The following CREB3L3 variants were observed in gnomAD, a reference collection of about 807,000 sequenced individuals.
CREB3L3 encodes the protein cAMP responsive element binding protein 3 like 3.
Under a neutral mutation model 44.6 loss-of-function variants are expected in CREB3L3, and 40 were observed. That is an observed-to-expected ratio of 0.90 (90% CI 0.70 to 1.17). The LOEUF is 1.17. Among genes scored for constraint, CREB3L3 ranks in the 50% most tolerant of loss-of-function variants. The probability of loss-of-function intolerance (pLI) is 0.00; values close to 1 mark genes in which losing one functional copy is unlikely to be tolerated. For synonymous variants in CREB3L3, 273 were observed against 256.3 expected (o/e 1.06, Z -0.62); for missense variants, 578 against 595.8 (o/e 0.97, Z 0.31).
chr19:4,171,968 G>A lies in CREB3L3; in HGVS notation c.1385G>A (p.Ter462=). ...AGLEAAGDEL[*] The stretch of plus-strand genomic sequence containing the variant: ...CTGGAGGCGGCGGGAGACGAGCTGT[G>A]AGCCCCGCCAGGACTATGCTCCCAG... Residue 462 remains the stop codon, a stop_retained_variant, in exon 10 of 10, where the codon TGA becomes TAA. Transcript: ENST00000078445. This position sits in a 1 kb window ranked among gnomAD's most constrained non-coding sequence, Gnocchi z 4.9. The A allele has an allele frequency of 6.3e-7, 1 of 1,590,510 alleles. No homozygotes were observed. Among genetic ancestry groups the A allele is most frequent in the East Asian group, 2.3e-5 (1 of 43,916 alleles).
At chr19:4,157,554 A>T (rs951676178) in intron 3 of CREB3L3, among the ~76,000 whole-genome samples, 2 of 152,232 alleles carry the variant, frequency 1.3e-5, no homozygotes, top group African/African-American at 4.8e-5. Context: ...AAAACCACAG[A>T]GCTAGGATGC....
At position 4,155,053 on chromosome 19, in the gene CREB3L3, G is replaced by A. The variant is rs376953719; in HGVS notation, c.156+26G>A. The A allele has an allele frequency of 5.1e-5, 82 of 1,601,372 alleles. 1 individual carries two copies. The highest frequency in any genetic ancestry group is 1.2e-4 in the African/African-American group (9 of 74,928). On this transcript the variant is annotated intron_variant, in intron 2 of 9. Coordinates refer to ENST00000078445, the MANE Select transcript of CREB3L3 (RefSeq NM_032607.3). ...GTGAGGAGTCCACTGCAGTTGCCCC[G>A]GGACCACAGAGCTCCAGGCGGGCCA...
In CREB3L3 at chr19:4,171,779, C is replaced by A; in HGVS notation, c.1196C>A (p.Pro399His). The A allele has an allele frequency of 6.2e-7, 1 of 1,613,478 alleles. No individual in the cohort carries two copies. Among genetic ancestry groups the A allele is most frequent in the Non-Finnish European group, 8.5e-7 (1 of 1,180,024 alleles). The change falls in exon 10 of 10, where the codon CCC (proline) becomes CAC (histidine). Residue 399 changes from proline to histidine, a missense_variant. Pro to His is a moderately conservative substitution (Grantham distance 77). Coordinates refer to ENST00000078445, the MANE Select transcript of CREB3L3 (RefSeq NM_032607.3). This position sits in a 1 kb window ranked among gnomAD's most constrained non-coding sequence, Gnocchi z 4.9. ...ACCCGAGAAGAGTCTCCAGGAAGCC[C>A]CGGGGCAGACTGGGGCTTCCAGGAC... Reference protein sequence around the residue: ...DTTREESPGSPGADWGFQDTA... With the variant: ...DTTREESPGSHGADWGFQDTA...
chr19:4,156,846 A>T, intron 2 of CREB3L3, 149 bp from the exon 3 acceptor site: 1 of 784,760 alleles, frequency 1.3e-6, no homozygotes, highest in South Asian at 1.7e-5. Flanking sequence ...GAGCCTCAGC[A>T]GCCCCGGGAG....
In CREB3L3 at chr19:4,167,279, G is replaced by T. The variant is rs565210982; in HGVS notation, c.715-1072G>T. Among the ~76,000 whole-genome samples, 12 of 151,434 alleles carry T rather than the reference G, an allele frequency of 7.9e-5. No individual in the cohort carries two copies. The South Asian group carries it at 2.5e-3, about 32-fold the overall frequency. On this transcript the variant is annotated intron_variant, in intron 5 of 9. Transcript: ENST00000078445. ...AATCACTTGAACCCTGGGGGTGGAG[G>T]TTGCAGTGAGCTGAGATCTTGCCAC...
intron 5 of CREB3L3, 114 bp downstream of exon 5, chr19:4,164,754 G>T: frequency 7.8e-7 from 1 of 1,288,160 alleles, no homozygotes; most frequent in Middle Eastern, 2.2e-4. Context: ...TGTCACTGAG[G>T]CTGGGATGCA....
chr19:4,161,056 C>T (rs568522012), intron 4 of CREB3L3, among the ~76,000 whole-genome samples: 13 of 151,824 alleles, frequency 8.6e-5, no homozygotes, highest in Admixed American at 3.9e-4. Context: ...GGACTACAGG[C>T]GCCCGCCACC....
At position 4,171,535 on chromosome 19, in the gene CREB3L3, G is replaced by A; in HGVS notation, c.1072+56G>A. On this transcript the variant is annotated intron_variant, in intron 9 of 9. Coordinates refer to ENST00000078445, the MANE Select transcript of CREB3L3 (RefSeq NM_032607.3). The surrounding 1 kb of genome is among the most constrained non-coding windows in gnomAD (Gnocchi z 4.9). ...CTGGTCTCCCCAAGTCCCCGTCCTG[G>A]GCCTCTGGGGGAGGGGGAGAAGACC... is the stretch of plus-strand genomic sequence containing the variant. 6.2e-7 allele frequency: 1 copy of A among 1,605,622 alleles called. No homozygotes were observed. The highest frequency in any genetic ancestry group is 8.5e-7 in the Non-Finnish European group (1 of 1,172,630).
chr19:4,163,052 G>A lies in CREB3L3; in HGVS notation c.577-1451G>A, dbSNP rs1285598353. On this transcript the variant is annotated intron_variant, in intron 4 of 9. Coordinates refer to ENST00000078445, the MANE Select transcript of CREB3L3 (RefSeq NM_032607.3). Reference sequence around the variant, plus strand: ...GCCGGGCGCGGTGGCTCACGCCTGTGATCCCAGCACTTTGGGAGGCCGAGG... The same window carrying A: ...GCCGGGCGCGGTGGCTCACGCCTGTAATCCCAGCACTTTGGGAGGCCGAGG... Among the ~76,000 whole-genome samples, 3 of 151,940 alleles carry A rather than the reference G, an allele frequency of 2.0e-5. No individual in the cohort carries two copies. The South Asian group carries it at 6.2e-4, about 32-fold the overall frequency.
At chr19:4,155,080 C>A (rs954824933) in intron 2 of CREB3L3, 53 bp downstream of exon 2, 10 of 1,597,410 alleles carry the variant, frequency 6.3e-6, no homozygotes, top group South Asian at 1.1e-5. Context: ...GGCGGGCCAA[C>A]TGAGGCCCCA....
rs1271590509 is a variant in CREB3L3, at chr19:4,171,949, G to T, written c.1366G>T (p.Ala456Ser). The change falls in exon 10 of 10, where the codon GCG becomes TCG. Residue 456 changes from alanine (A) to serine (S), a missense_variant. Physicochemically the swap from Ala to Ser is moderately conservative, Grantham distance 99. Coordinates refer to ENST00000078445, the MANE Select transcript of CREB3L3 (RefSeq NM_032607.3). This position sits in a 1 kb window ranked among gnomAD's most constrained non-coding sequence, Gnocchi z 4.9. ...STGSGRAGLE[A>S]AGDEL The stretch of plus-strand genomic sequence containing the variant: ...TGGCTCAGGACGTGCAGGGCTGGAG[G>T]CGGCGGGAGACGAGCTGTGAGCCCC... The T allele has an allele frequency of 6.2e-7, 1 of 1,604,404 alleles. No homozygotes were observed. The highest frequency in any genetic ancestry group is 8.5e-7 in the Non-Finnish European group (1 of 1,176,708).
chr19:4,172,292 G>C lies in CREB3L3; in HGVS notation c.*323G>C, dbSNP rs1967070353. ...AGCCTGAAACAGACCCGGACAGACA[G>C]ACACAGCCTGAAACAGACCCAGACA... On this transcript the variant is annotated 3_prime_UTR_variant, in exon 10 of 10. Transcript: ENST00000078445. The C allele has an allele frequency of 2.0e-6, 1 of 500,476 alleles. No homozygotes were observed. The highest frequency in any genetic ancestry group is 3.5e-5 in the Admixed American group (1 of 28,424). 31.0% of individuals were successfully genotyped at this position (500,476 alleles called of 1,614,324 possible). A position where few individuals can be genotyped will look rare whatever the true frequency, so the allele number is the denominator to read the frequency against.
chr19:4,159,453 G>A (rs1020419510), intron 3 of CREB3L3, among the ~76,000 whole-genome samples: 2 of 152,110 alleles, frequency 1.3e-5, no homozygotes, highest in African/African-American at 4.8e-5. Context: ...GACTGGCTGG[G>A]TTCCCATCTT....
At chr19:4,155,460 G>A (rs1306200991) in intron 2 of CREB3L3, among the ~76,000 whole-genome samples, 1 of 150,946 alleles carries the variant, frequency 6.6e-6, no homozygotes, top group African/African-American at 2.4e-5. Context: ...CCGGGTTCAA[G>A]CGATTCTCTT....
intron 6 of CREB3L3, among the ~76,000 whole-genome samples, chr19:4,169,080 A>T (rs980688844): frequency 6.6e-6 from 1 of 151,962 alleles, no homozygotes; most frequent in Non-Finnish European, 1.5e-5. Context: ...GATCATCTTT[A>T]TCCAGGGTCA....
intron 5 of CREB3L3, among the ~76,000 whole-genome samples, chr19:4,167,730 G>A (rs891508512): frequency 1.3e-5 from 2 of 152,086 alleles, no homozygotes; most frequent in African/African-American, 4.8e-5. Flanking sequence ...CCATTTTACA[G>A]TATTGGGAGC....
At chr19:4,158,460 G>T (rs933213449) in intron 3 of CREB3L3, among the ~76,000 whole-genome samples, 1 of 151,834 alleles carries the variant, frequency 6.6e-6, no homozygotes, top group Admixed American at 6.6e-5. Context: ...TCATGCCACT[G>T]CACTCCATCC....
rs1024127767 is a variant in CREB3L3 at position 4,153,689 on chromosome 19, G to T, written c.-59G>T. 5.0e-6 allele frequency: 8 copies of T among 1,606,680 alleles called. No individual in the cohort carries two copies. Among genetic ancestry groups the T allele is most frequent in the Non-Finnish European group, 6.8e-6 (8 of 1,174,542 alleles). On this transcript the variant is annotated 5_prime_UTR_variant, in exon 1 of 10. Transcript: ENST00000078445. ...CCCCAGGTAACGCTGGCGGTGGGTG[G>T]GCCTCCAGCTTGGAGCAGAGACCCC... is the stretch of plus-strand genomic sequence containing the variant.
At chr19:4,170,842 C>T (rs1032958671) in intron 7 of CREB3L3, among the ~76,000 whole-genome samples, 4 of 151,588 alleles carry the variant, frequency 2.6e-5, no homozygotes, top group Non-Finnish European at 5.9e-5. Flanking sequence ...ACCTGGGAGG[C>T]GGAGCTTGCA....
Sources: gnomAD v4.1 joint callset for allele counts (sites outside exome capture counted in the v4.1 genomes callset) on GRCh38, gnomAD v4.1.1 for gene constraint, Gnocchi (gnomAD v3.1) non-coding constraint, MANE v1.5 for transcripts, NCBI Gene and HGNC (gene_info 2026-07-23, HGNC 2026-07-21) for gene names.